Variants in SH3RF2 observed in about 807,000 individuals in gnomAD.
SH3RF2 encodes the protein E3 ubiquitin-protein ligase SH3RF2.
SH3RF2 carries 43 observed loss-of-function variants against 59.0 expected under a neutral mutation model. That is an observed-to-expected ratio of 0.73 (90% confidence interval 0.57 to 0.94). The LOEUF is 0.94. Among genes scored for constraint, SH3RF2 ranks in the 40% least tolerant of loss-of-function variants. SH3RF2 has a pLI of 0.00. For synonymous variants in SH3RF2, 391 were observed against 391.5 expected (o/e 1.00, Z 0.01); for missense variants, 930 against 940.1 (o/e 0.99, Z 0.14).
chr5:146,060,187 TG>T lies in SH3RF2; in HGVS notation c.1879del (p.Val627Ter), dbSNP rs1390226119. Reference protein sequence around the residue: ...KPPASAPPSILVKPENSRNGI... With the variant: ...KPPASAPPSIXVKPENSRNGI... ...CCCGCATCTGCCCCACCATCCATCC[TG>T]GTGAAACCAGAAAACTCAAGAAATG... On this transcript the variant is annotated frameshift_variant, in exon 9 of 10. Coordinates refer to ENST00000359120, the MANE Select transcript of SH3RF2 (RefSeq NM_152550.4). LOFTEE classifies it high-confidence loss of function. The T allele has an allele frequency of 3.1e-6, 5 of 1,611,632 alleles. No individual in the cohort carries two copies. Among genetic ancestry groups the T allele is most frequent in the Non-Finnish European group, 3.4e-6 (4 of 1,178,970 alleles).
At chr5:145,978,286 C>A (rs183229790) in intron 2 of SH3RF2, among the ~76,000 whole-genome samples, 1 of 152,264 alleles carries the variant, frequency 6.6e-6, no homozygotes, top group African/African-American at 2.4e-5. Flanking sequence ...GCCACCAGAG[C>A]CCTCACCCTG....
In SH3RF2 at chr5:146,062,787, TTGGGGACTTGAGCA is replaced by T. The variant is rs1762949703; in HGVS notation, c.*91_*104del. 2.0e-6 allele frequency: 3 copies of T among 1,514,860 alleles called. No individual in the cohort carries two copies. Among genetic ancestry groups the T allele is most frequent in the Non-Finnish European group, 1.8e-6 (2 of 1,127,718 alleles). 93.8% of individuals were successfully genotyped at this position (1,514,860 alleles called of 1,614,324 possible). On this transcript the variant is annotated 3_prime_UTR_variant, in exon 10 of 10. Transcript: ENST00000359120. Reference sequence around the variant, plus strand: ...TCCACTGAGGGCATCCTGCCATTCTTTGGGGACTTGAGCATGGGTCCTTGTTCTTCCTATTTCAC... The same window carrying T: ...TCCACTGAGGGCATCCTGCCATTCTTTGGGTCCTTGTTCTTCCTATTTCAC...
chr5:146,030,571 C>G (rs1761705671), intron 5 of SH3RF2, among the ~76,000 whole-genome samples: 1 of 152,180 alleles, frequency 6.6e-6, no homozygotes, highest in African/African-American at 2.4e-5. Flanking sequence ...AACCAGGTCA[C>G]TAGGAGGACT....
chr5:146,007,509 C>A (rs984629561), intron 4 of SH3RF2, among the ~76,000 whole-genome samples: 5 of 152,158 alleles, frequency 3.3e-5, no homozygotes, highest in Non-Finnish European at 5.9e-5. Flanking sequence ...GCAATTAGTA[C>A]CTCATTGGAC....
At chr5:145,943,692 T>TTTTTTG (rs77389676) in intron 2 of SH3RF2, among the ~76,000 whole-genome samples, 31,191 of 150,768 alleles carry the variant, frequency 0.21, 3,327 homozygotes, top group Middle Eastern at 0.24. Context: ...CCTACTTCAG[T>TTTTTTG]TTTTTGTTTT....
intron 2 of SH3RF2, among the ~76,000 whole-genome samples, chr5:145,945,964 T>G (rs1757993587): frequency 6.6e-6 from 1 of 152,198 alleles, no homozygotes; most frequent in Non-Finnish European, 1.5e-5. Flanking sequence ...AAAGCCAGTC[T>G]TTTCCATTGA....
At chr5:145,943,855 G>A (rs898550259) in intron 2 of SH3RF2, among the ~76,000 whole-genome samples, 5 of 152,270 alleles carry the variant, frequency 3.3e-5, no homozygotes, top group South Asian at 4.1e-4. Context: ...ATTATTTGCC[G>A]TGTGCATTAG....
intron 2 of SH3RF2, among the ~76,000 whole-genome samples, chr5:145,946,382 G>C (rs952348858): frequency 6.6e-6 from 1 of 152,096 alleles, no homozygotes; most frequent in Non-Finnish European, 1.5e-5. Flanking sequence ...CCCATATTAG[G>C]AATTTTTTTT....
rs199886282 is a variant in SH3RF2, at chr5:146,062,437, C to G, written c.1926C>G (p.Thr642=). ...SRNGIEKQVK[T]VRFQNYSPPP... is the part of the protein sequence containing the mutation. ...CCTTTCTCTTGCAGCAAGTCAAAAC[C>G]GTGAGATTTCAGAATTACAGCCCTC... The change falls in exon 10 of 10, where the codon ACC becomes ACG. Residue 642 remains threonine, a synonymous_variant. Transcript: ENST00000359120. 12 of 1,613,814 alleles carry G rather than the reference C, an allele frequency of 7.4e-6. No homozygotes were observed. The Admixed American group carries it at 8.3e-5, about 11-fold the overall frequency.
At chr5:145,963,829 GT>G (rs111824139) in intron 2 of SH3RF2, among the ~76,000 whole-genome samples, 5,432 of 135,552 alleles carry the variant, frequency 0.04, 205 homozygotes, top group African/African-American at 0.14. Flanking sequence ...TTTCTTTTTT[GT>G]TTTTTTTTTT....
At chr5:145,993,821 C>T (rs753040583) in intron 2 of SH3RF2, among the ~76,000 whole-genome samples, 1 of 151,930 alleles carries the variant, frequency 6.6e-6, no homozygotes, top group Non-Finnish European at 1.5e-5. Context: ...GTTCCCACCA[C>T]CCCCCTGTCG....
chr5:146,025,491 G>T (rs553709222), intron 5 of SH3RF2, among the ~76,000 whole-genome samples: 1 of 152,234 alleles, frequency 6.6e-6, no homozygotes, highest in Admixed American at 6.5e-5. Context: ...GCCCAAGTTT[G>T]TTCAGCTTGG....
Position 146,032,122 on chromosome 5 carries a change from G to A in SH3RF2, c.1060-15650G>A, listed in dbSNP as rs117245270. On this transcript the variant is annotated intron_variant, in intron 5 of 9. Transcript: ENST00000359120. ...TTATTCGTCTGTTTTCTTGGTTTTTGTTTTGTATATGAGTATCTTGTTTTA... is the reference window on the plus strand; with the variant it reads ...TTATTCGTCTGTTTTCTTGGTTTTTATTTTGTATATGAGTATCTTGTTTTA... Among the ~76,000 whole-genome samples the A allele has an allele frequency of 2.8e-4, 43 of 152,242 alleles. No individual in the cohort carries two copies. In the East Asian group the frequency reaches 7.5e-3, roughly 27 times the overall value.
chr5:145,994,968 C>A (rs1760091022), intron 2 of SH3RF2, among the ~76,000 whole-genome samples: 1 of 150,260 alleles, frequency 6.7e-6, no homozygotes, highest in Admixed American at 6.7e-5. Context: ...TCTCATTCTC[C>A]CTTTCTTTCC....
intron 7 of SH3RF2, among the ~76,000 whole-genome samples, chr5:146,051,826 G>T (rs542852667): frequency 6.6e-6 from 1 of 152,324 alleles, no homozygotes; most frequent in Non-Finnish European, 1.5e-5. Context: ...AACGAGATGA[G>T]ATCATCATGG....
chr5:146,048,621 G>T (rs1762386057), intron 6 of SH3RF2, among the ~76,000 whole-genome samples: 1 of 152,124 alleles, frequency 6.6e-6, no homozygotes, highest in South Asian at 2.1e-4. Flanking sequence ...GAGTCTGGAG[G>T]GACTTCCTGA....
intron 2 of SH3RF2, among the ~76,000 whole-genome samples, chr5:145,949,715 T>C (rs1758123316): frequency 6.6e-6 from 1 of 152,162 alleles, no homozygotes; most frequent in Non-Finnish European, 1.5e-5. Flanking sequence ...TCTTTTCCTA[T>C]TGAGAGGTGA....
chr5:146,065,757 T>C (rs1312250752), downstream of SH3RF2, among the ~76,000 whole-genome samples: 2 of 152,246 alleles, frequency 1.3e-5, no homozygotes, highest in Non-Finnish European at 2.9e-5. Flanking sequence ...AGGATGTTTT[T>C]TCCAAGTAAA....
chr5:146,061,814 C>A (rs996798616), intron 9 of SH3RF2, among the ~76,000 whole-genome samples: 1 of 152,052 alleles, frequency 6.6e-6, no homozygotes, highest in South Asian at 2.1e-4. Context: ...CCCAGTGCGT[C>A]AGAGCTTTGA....
Sources: gnomAD v4.1 joint callset for allele counts (sites outside exome capture counted in the v4.1 genomes callset) on GRCh38, gnomAD v4.1.1 for gene constraint, MANE v1.5 for transcripts, NCBI Gene and HGNC (gene_info 2026-07-23, HGNC 2026-07-21) for gene names.